Variants in SLC35A2 observed in about 807,000 individuals in gnomAD.
The protein encoded by SLC35A2 is UDP-galactose translocator.
In SLC35A2, 1 loss-of-function variant was observed where a neutral mutation model predicts 17.3. That is an observed-to-expected ratio of 0.06 (90% CI 0.02 to 0.27). The LOEUF (loss-of-function observed/expected upper bound fraction) is 0.27. Among genes scored for constraint, SLC35A2 ranks in the 10% least tolerant of loss-of-function variants. The probability of loss-of-function intolerance (pLI) is 1.00; values close to 1 mark genes in which losing one functional copy is unlikely to be tolerated. For synonymous variants in SLC35A2, 161 were observed against 161.3 expected, an observed-to-expected ratio of 1.00 and a Z score of 0.01; for missense variants, 191 against 339.3, an observed-to-expected ratio of 0.56 and a Z score of 3.43.
In SLC35A2 at chrX:48,906,460, G is replaced by C; in HGVS notation, c.358C>G (p.Leu120Val). ...AGGTTATTCTGCAAGGTGTAGATGA[G>C]AGAGGGCACTGCGAGCTTGAGCGTG... ...VDTLKLAVPS[L>V]IYTLQNNLQY... Residue 120 changes from leucine to valine, a missense_variant, in exon 3 of 5, where the codon CTC becomes GTC. Transcript: ENST00000247138. The C allele has an allele frequency of 2.5e-6, 3 of 1,207,873 alleles. No individual in the cohort carries two copies. The highest frequency in any genetic ancestry group is 3.4e-6 in the Non-Finnish European group (3 of 892,313).
chrX:48,903,250 G>T lies in SLC35A2; in HGVS notation c.*188C>A. On this transcript the variant is annotated 3_prime_UTR_variant, in exon 5 of 5. Coordinates refer to ENST00000247138, the MANE Select transcript of SLC35A2 (RefSeq NM_005660.3). ...AGATAGTGTGGAGCTGGCAGGGGCT[G>T]GGGGGCTGAGCTGAGGTGGGTCATG... 1 of 932,453 alleles carries T rather than the reference G, an allele frequency of 1.1e-6. No individual in the cohort carries two copies. The highest frequency in any genetic ancestry group is 1.5e-6 in the Non-Finnish European group (1 of 661,290). 76.8% of individuals were successfully genotyped at this position (932,453 alleles called of 1,213,427 possible). A position where few individuals can be genotyped will look rare whatever the true frequency, so the allele number is the denominator to read the frequency against.
chrX:48,911,418 GCA>G (rs3066479), intron 1 of SLC35A2, 126 bp downstream of exon 1: 12,309 of 563,091 alleles, frequency 0.022, 6 homozygotes, highest in Admixed American at 0.026. Flanking sequence ...CTGACAATGT[GCA>G]CACACACACA....
At chrX:48,904,358 G>A (rs2063469053) in intron 4 of SLC35A2, 1 of 1,066,994 alleles carries the variant, frequency 9.4e-7, no homozygotes, top group Middle Eastern at 3.7e-4. Flanking sequence ...TGGAGGTGGA[G>A]GGACTGCTGG....
In SLC35A2 at chrX:48,903,407, G is replaced by C; in HGVS notation, c.*31C>G. On this transcript the variant is annotated 3_prime_UTR_variant, in exon 5 of 5. Transcript: ENST00000247138. ...TGGGCCAAGGGCAAGAAGAGAGAAC[G>C]AGGCCAGGCCAATGTCTTCAATCCC... 1.7e-6 allele frequency: 1 copy of C among 575,499 alleles called. No homozygotes were observed. The highest frequency in any genetic ancestry group is 3.2e-5 in the East Asian group (1 of 30,808). 47.4% of individuals were successfully genotyped at this position (575,499 alleles called of 1,213,427 possible).
intron 1 of SLC35A2, 74 bp downstream of exon 1, chrX:48,911,472 A>G (rs962699086): frequency 2.7e-6 from 3 of 1,119,137 alleles, no homozygotes; most frequent in Non-Finnish European, 3.6e-6. Flanking sequence ...CTCTCACTTT[A>G]GTGAGGAACA....
At chrX:48,903,988 A>G (rs782264994) in intron 4 of SLC35A2, 5 of 757,960 alleles carry the variant, frequency 6.6e-6, no homozygotes, top group East Asian at 3.0e-4. Flanking sequence ...CTTAAATACA[A>G]TGAGATTCAG....
Position 48,904,764 on chromosome X carries a change from G to A in SLC35A2, c.1145C>T (p.Thr382Met), listed in dbSNP as rs781801728. The A allele has an allele frequency of 1.9e-5, 23 of 1,209,770 alleles. No homozygotes were observed. The East Asian group carries it at 3.6e-4, about 19-fold the overall frequency. Residue 382 changes from threonine to methionine, a missense_variant, in exon 4 of 5, where the codon ACG becomes ATG. Transcript: ENST00000247138. ...CACTGACTTTGGCAGAAAGGGCTCC[G>A]TGATGAGGTCTCCACGGTGGGAAGA... ...QLSSHRGDLI[T>M]EPFLPKLLTK...
chrX:48,906,279 T>C, intron 3 of SLC35A2, 113 bp downstream of exon 3: 2 of 703,034 alleles, frequency 2.8e-6, no homozygotes, highest in East Asian at 3.5e-5. Flanking sequence ...CCAAGGACAT[T>C]CTGAAGGTGA....
At chrX:48,904,576 C>A (rs1483958167) in intron 4 of SLC35A2, 170 bp downstream of exon 4, 1 of 1,195,377 alleles carries the variant, frequency 8.4e-7, no homozygotes, top group African/African-American at 1.8e-5. Flanking sequence ...TAGTCCCACA[C>A]CCCTCCAGAA....
chrX:48,910,306 T>G, intron 1 of SLC35A2: 1 of 1,133,131 alleles, frequency 8.8e-7, no homozygotes, highest in Non-Finnish European at 1.2e-6. Context: ...TCCTCCCAAG[T>G]GAGAAGCAAC....
At chrX:48,910,645 C>T (rs2063526180) in intron 1 of SLC35A2, among the ~76,000 whole-genome samples, 1 of 111,142 alleles carries the variant, frequency 9.0e-6, no homozygotes, top group Non-Finnish European at 1.9e-5. Flanking sequence ...CTGAGAATGG[C>T]CTACATCCCA....
At chrX:48,908,609 A>C (rs905308644) in intron 2 of SLC35A2, among the ~76,000 whole-genome samples, 5 of 111,661 alleles carry the variant, frequency 4.5e-5, no homozygotes, top group African/African-American at 1.3e-4. Flanking sequence ...TGTGGCTAAG[A>C]GATGAAGGCC....
chrX:48,905,243 C>T lies in SLC35A2; in HGVS notation c.666G>A (p.Lys222=), dbSNP rs2063481361. The change falls in exon 4 of 5, where the codon AAG becomes AAA. Residue 222 remains lysine, a synonymous_variant. Coordinates refer to ENST00000247138, the MANE Select transcript of SLC35A2 (RefSeq NM_005660.3). The part of the protein sequence containing the change: ...SSGFAGVYFE[K]ILKGSSGSVW... ...CGGAGCCTGAGCTGCCTTTGAGGAT[C>T]TTCTCAAAGTAGACACCTGCGAAGC... The T allele has an allele frequency of 8.3e-7, 1 of 1,206,072 alleles. No individual in the cohort carries two copies. Among genetic ancestry groups the T allele is most frequent in the African/African-American group, 1.7e-5 (1 of 57,867 alleles).
rs1557042839 is a variant in SLC35A2, at chrX:48,905,201, C to G, written c.708G>C (p.Leu236=). 2 of 1,209,175 alleles carry G rather than the reference C, an allele frequency of 1.7e-6. No homozygotes were observed. The highest frequency in any genetic ancestry group is 2.2e-6 in the Non-Finnish European group (2 of 894,285). ...GTGCTGTGCCGAAGAGGCCCAGTTG[C>G]AGGTTGCGCAGCCACACGGAGCCTG... The part of the protein sequence containing the change: ...GSSGSVWLRN[L]QLGLFGTALG... Residue 236 remains leucine, a synonymous_variant, in exon 4 of 5, where the codon CTG becomes CTC. Coordinates refer to ENST00000247138, the MANE Select transcript of SLC35A2 (RefSeq NM_005660.3).
At chrX:48,911,316 T>A (rs998447944) in intron 1 of SLC35A2, among the ~76,000 whole-genome samples, 1 of 110,999 alleles carries the variant, frequency 9.0e-6, no homozygotes, top group Non-Finnish European at 1.9e-5. Context: ...CCAAAAAGAA[T>A]TACCCACCAC....
rs1569511154 is a variant in SLC35A2, at chrX:48,905,325, A to C, written c.584T>G (p.Leu195Arg). 2 of 1,184,032 alleles carry C rather than the reference A, an allele frequency of 1.7e-6. No homozygotes were observed. Among genetic ancestry groups the C allele is most frequent in the Non-Finnish European group, 2.3e-6 (2 of 881,728 alleles). ...QQAGGGGPRPLDQNPGAGLAA... is the reference protein window; with the variant it reads ...QQAGGGGPRPRDQNPGAGLAA... ...CAGGCCTGCCCCAGGGTTCTGATCC[A>C]GTGGCCGTGGGCCTCCCCCACCGGC... Residue 195 changes from leucine (L) to arginine (R), a missense_variant, in exon 4 of 5, where the codon CTG becomes CGG. By Grantham distance (102) the Leu-to-Arg change is moderately radical (BLOSUM62 -2). Around this residue, in one of 2 missense-constraint regions of SLC35A2, gnomAD observed 164 missense variants for 315.3 expected, o/e 0.52. Coordinates refer to ENST00000247138, the MANE Select transcript of SLC35A2 (RefSeq NM_005660.3).
Position 48,911,536 on chromosome X carries a change from A to C in SLC35A2, c.91+10T>G, listed in dbSNP as rs782599119. 12 of 1,160,354 alleles carry C rather than the reference A, an allele frequency of 1.0e-5. No homozygotes were observed. The South Asian group carries it at 2.3e-4, about 22-fold the overall frequency. On this transcript the variant is annotated intron_variant, in intron 1 of 4. Coordinates refer to ENST00000247138, the MANE Select transcript of SLC35A2 (RefSeq NM_005660.3). ...GCCTCCCATGCGACTGCTCGGGCAGACTGTCTCACCCGCACTGGCGGTCCC... is the reference window on the plus strand; with the variant it reads ...GCCTCCCATGCGACTGCTCGGGCAGCCTGTCTCACCCGCACTGGCGGTCCC...
intron 2 of SLC35A2, 66 bp downstream of exon 2, chrX:48,909,748 A>AACAC (rs2063517791): frequency 2.1e-6 from 2 of 960,761 alleles, no homozygotes; most frequent in African/African-American, 3.8e-5. Context: ...CATCTGTGTG[A>AACAC]ACACACACAC....
At chrX:48,910,161 C>A (rs1351778242) in intron 1 of SLC35A2, 165 bp from the exon 2 acceptor site, 25 of 911,508 alleles carry the variant, frequency 2.7e-5, no homozygotes, top group Admixed American at 5.3e-5. Context: ...TGACTCCTAC[C>A]GGCTTACTGC....
Sources: gnomAD v4.1 joint callset for allele counts (sites outside exome capture counted in the v4.1 genomes callset) on GRCh38, gnomAD v4.1.1 for gene constraint, gnomAD v4.1.1 regional missense constraint, MANE v1.5 for transcripts, NCBI Gene and HGNC (gene_info 2026-07-23, HGNC 2026-07-21) for gene names.